TSEN2: variants seen among roughly 807,000 people sequenced by gnomAD.
TSEN2 encodes the protein tRNA splicing endonuclease subunit 2.
TSEN2 carries 54 observed loss-of-function variants against 59.2 expected under a neutral mutation model. The observed-to-expected ratio is 0.91, with a 90% confidence interval of 0.73 to 1.14. The LOEUF (loss-of-function observed/expected upper bound fraction) is 1.14. TSEN2 is among the 50% of genes most tolerant of loss of function. The pLI is 0.00. For missense variants in TSEN2, 636 were observed against 576.2 expected, an observed-to-expected ratio of 1.10 and a Z score of -1.06; for synonymous variants, 195 against 198.2, an observed-to-expected ratio of 0.98 and a Z score of 0.14.
chr3:12,511,981 GATGAA>G (rs763373112), intron 6 of TSEN2, among the ~76,000 whole-genome samples: 3 of 152,216 alleles, frequency 2.0e-5, no homozygotes, highest in African/African-American at 7.2e-5. Flanking sequence ...ACAGGCAAAA[GATGAA>G]ATGGGAAGAA....
chr3:12,502,774 A>G lies in TSEN2; in HGVS notation c.309-488A>G, dbSNP rs185927335. Among the ~76,000 whole-genome samples, 32 of 151,416 alleles carry G rather than the reference A, an allele frequency of 2.1e-4. 1 individual carries two copies. In the East Asian group the frequency reaches 6.0e-3, roughly 29 times the overall value. On this transcript the variant is annotated intron_variant, in intron 4 of 11. Transcript: ENST00000284995. ...AGAAGTAACATATGCTTGTTGCAGA[A>G]CACTTAGAAAATGCAGAGGCCACAC...
At position 12,492,202 on chromosome 3, in the gene TSEN2, G is replaced by A. The variant is rs1358812873; in HGVS notation, c.256G>A (p.Val86Ile). Reference protein sequence around the residue: ...PSFTISDPKLVAKWKDMKTNM... With the variant: ...PSFTISDPKLIAKWKDMKTNM... ...CTTCACAATTTCAGATCCTAAACTG[G>A]TTGCTAAATGGAAAGGTAAAGTTGT... is the stretch of plus-strand genomic sequence containing the variant. The change falls in exon 3 of 12, where the codon GTT (valine) becomes ATT (isoleucine). Residue 86 changes from valine to isoleucine, a missense_variant. Transcript: ENST00000284995. 1 of 1,613,830 alleles carries A rather than the reference G, an allele frequency of 6.2e-7. No homozygotes were observed. Among genetic ancestry groups the A allele is most frequent in the Non-Finnish European group, 8.5e-7 (1 of 1,179,750 alleles).
intron 9 of TSEN2, 142 bp from the exon 10 acceptor site, chr3:12,529,620 T>A: frequency 1.4e-6 from 1 of 736,516 alleles, no homozygotes; most frequent in South Asian, 1.9e-5. Context: ...CATTAATATT[T>A]TCTCAATAGC....
intron 11 of TSEN2, among the ~76,000 whole-genome samples, 165 bp from the exon 12 acceptor site, chr3:12,532,497 T>C (rs1056397067): frequency 1.3e-5 from 2 of 152,252 alleles, no homozygotes; most frequent in African/African-American, 4.8e-5. Flanking sequence ...GTAAGGTTTA[T>C]ATTGTTACAT....
At chr3:12,520,494 A>T (rs1213962450) in intron 8 of TSEN2, among the ~76,000 whole-genome samples, 1 of 151,974 alleles carries the variant, frequency 6.6e-6, no homozygotes, top group African/African-American at 2.4e-5. Context: ...TAATTTTTTT[A>T]ACTTTAAATT....
chr3:12,486,347 G>A (rs2052611213), intron 1 of TSEN2, among the ~76,000 whole-genome samples: 1 of 152,114 alleles, frequency 6.6e-6, no homozygotes. Context: ...TTTGCCTTTC[G>A]AGTTCAGCAC....
At chr3:12,522,285 A>C (rs2056709030) in intron 8 of TSEN2, among the ~76,000 whole-genome samples, 1 of 152,164 alleles carries the variant, frequency 6.6e-6, no homozygotes, top group African/African-American at 2.4e-5. Flanking sequence ...GAATTTTGAA[A>C]ACAAAAAAGA....
chr3:12,520,124 G>A (rs2056511252), intron 8 of TSEN2, among the ~76,000 whole-genome samples: 2 of 151,814 alleles, frequency 1.3e-5, no homozygotes, highest in South Asian at 2.1e-4. Flanking sequence ...TCAGCCTCCC[G>A]AGTAGCTGGG....
intron 5 of TSEN2, 103 bp downstream of exon 5, chr3:12,503,887 A>G: frequency 1.4e-6 from 2 of 1,451,458 alleles, no homozygotes; most frequent in Non-Finnish European, 1.9e-6. Flanking sequence ...GGCCTGTTGT[A>G]GGGTCCAAGG....
chr3:12,519,308 T>G, intron 8 of TSEN2, 111 bp downstream of exon 8: 1 of 1,479,858 alleles, frequency 6.8e-7, no homozygotes, highest in South Asian at 1.1e-5. Flanking sequence ...GAAGGTATCC[T>G]TTGGGTTTAG....
intron 2 of TSEN2, among the ~76,000 whole-genome samples, chr3:12,491,025 C>T (rs2053162363): frequency 6.6e-6 from 1 of 152,134 alleles, no homozygotes; most frequent in Non-Finnish European, 1.5e-5. Context: ...GAGTCTTACC[C>T]TGTCACCCAG....
intron 7 of TSEN2, among the ~76,000 whole-genome samples, chr3:12,518,839 G>T (rs1213862484): frequency 6.6e-6 from 1 of 151,598 alleles, no homozygotes; most frequent in African/African-American, 2.4e-5. Context: ...TTGCTAAATT[G>T]CTCTGCTGGG....
At chr3:12,533,709 A>AGGG (rs1182384988), downstream of TSEN2, 34 of 146,422 alleles carry the variant, frequency 2.3e-4, no homozygotes, top group Non-Finnish European at 1.8e-4. Context: ...GGAAATGGGA[A>AGGG]GGGGGAATAC....
upstream of TSEN2, among the ~76,000 whole-genome samples, chr3:12,480,726 G>A (rs2052183425): frequency 6.6e-6 from 1 of 151,760 alleles, no homozygotes; most frequent in Non-Finnish European, 1.5e-5. Context: ...TAGAGACGGG[G>A]TTTTGCCATG....
intron 8 of TSEN2, among the ~76,000 whole-genome samples, chr3:12,522,790 G>A (rs575495879): frequency 6.6e-6 from 1 of 152,306 alleles, no homozygotes; most frequent in Non-Finnish European, 1.5e-5. Context: ...TGGAAGAGGT[G>A]ATATGGTTCT....
chr3:12,486,717 C>T (rs879325780), intron 1 of TSEN2, among the ~76,000 whole-genome samples: 1 of 152,178 alleles, frequency 6.6e-6, no homozygotes, highest in Non-Finnish European at 1.5e-5. Flanking sequence ...CAGTCGCCCC[C>T]CCATTTCCCA....
At chr3:12,504,715 A>T (rs527895418) in intron 5 of TSEN2, among the ~76,000 whole-genome samples, 1 of 152,206 alleles carries the variant, frequency 6.6e-6, no homozygotes, top group East Asian at 1.9e-4. Flanking sequence ...CCTTTTCCAC[A>T]CAAGTAATAA....
At chr3:12,531,796 C>G in intron 11 of TSEN2, 137 bp downstream of exon 11, 1 of 686,990 alleles carries the variant, frequency 1.5e-6, no homozygotes, top group Non-Finnish European at 2.6e-6. Context: ...GCTCTTAAGT[C>G]TCTCACCTTT....
chr3:12,488,883 C>T (rs1687833840), intron 1 of TSEN2, among the ~76,000 whole-genome samples: 1 of 152,212 alleles, frequency 6.6e-6, no homozygotes, highest in Admixed American at 6.5e-5. Flanking sequence ...GATGCCACCA[C>T]ACTCGGGGTC....
Sources: allele counts gnomAD v4.1 joint callset (sites outside exome capture counted in the v4.1 genomes callset), GRCh38; gene constraint gnomAD v4.1.1; transcripts MANE v1.5; gene names NCBI Gene and HGNC (gene_info 2026-07-23, HGNC 2026-07-21).